Variants in AFTPH observed in about 807,000 individuals in gnomAD.
AFTPH encodes the protein aftiphilin protein.
In AFTPH, 7 loss-of-function variants were observed where a neutral mutation model predicts 72.5. That is an observed-to-expected ratio of 0.10 (90% CI 0.05 to 0.18). The LOEUF (loss-of-function observed/expected upper bound fraction) is 0.18, where lower values mean the gene tolerates loss of function less well. Ranked by LOEUF, AFTPH falls within the 10% of genes least tolerant of loss-of-function variation. AFTPH has a pLI of 1.00. For synonymous variants in AFTPH, 337 were observed against 370.1 expected, an observed-to-expected ratio of 0.91 and a Z score of 1.03; for missense variants, 979 against 1,060.5, an observed-to-expected ratio of 0.92 and a Z score of 1.07.
At chr2:64,551,888 G>A (rs1344326001) in exon 2 of AFTPH, 1 of 1,613,758 alleles carries the variant, frequency 6.2e-7, no homozygotes. Flanking sequence ...ATAAAGTAGT[G>A]GAGCAGAGAC....
chr2:64,553,161 T>G lies in AFTPH; in HGVS notation c.1687T>G (p.Ser563Ala), dbSNP rs370809542. Reference sequence around the variant, plus strand: ...CTCTGATGATTTTGCAGACTTCAGTTCAGCTGGTCCTAGCCAAGTTGTAGA... The same window carrying G: ...CTCTGATGATTTTGCAGACTTCAGTGCAGCTGGTCCTAGCCAAGTTGTAGA... Residue 563 changes from serine to alanine, a missense_variant, in exon 2 of 9, where the codon TCA (serine) becomes GCA (alanine). Transcript: ENST00000238856. 8.7e-6 allele frequency: 14 copies of G among 1,614,212 alleles called. No homozygotes were observed. In the African/African-American group the frequency reaches 1.9e-4, roughly 22 times the overall value.
At chr2:64,569,325 A>G (rs1328949396) in intron 4 of AFTPH, 107 bp downstream of exon 4, 11 of 1,408,126 alleles carry the variant, frequency 7.8e-6, no homozygotes, top group Non-Finnish European at 9.6e-6. Context: ...CAGAAAATAA[A>G]TATTTGGTTT....
chr2:64,581,165 A>G, intron 7 of AFTPH, 25 bp from the exon 8 acceptor site: 1 of 1,567,604 alleles, frequency 6.4e-7, no homozygotes, highest in Non-Finnish European at 8.7e-7. Context: ...GTGGCTGCCT[A>G]CCAACACGGT....
At chr2:64,592,088 T>C in exon 9 of AFTPH, 2 of 1,298,812 alleles carry the variant, frequency 1.5e-6, no homozygotes, top group Non-Finnish European at 2.1e-6. Context: ...ATCCCTTCCC[T>C]ACCATCAAAA....
intron 5 of AFTPH, among the ~76,000 whole-genome samples, chr2:64,570,966 C>G (rs1337322701): frequency 8.4e-6 from 1 of 118,390 alleles, no homozygotes; most frequent in Admixed American, 1.2e-4. Context: ...CAGCTCATAC[C>G]TATGGCTACT....
chr2:64,545,159 T>C (rs1049857718), intron 1 of AFTPH, among the ~76,000 whole-genome samples: 1 of 152,074 alleles, frequency 6.6e-6, no homozygotes, highest in Admixed American at 6.5e-5. Flanking sequence ...AATCACAGAT[T>C]AGGCTAGGAA....
chr2:64,570,575 T>C (rs1459022992), intron 5 of AFTPH, among the ~76,000 whole-genome samples: 1 of 152,236 alleles, frequency 6.6e-6, no homozygotes, highest in Non-Finnish European at 1.5e-5. Flanking sequence ...TCGTGTACTT[T>C]AAAAACATTT....
rs564355514 is a variant in AFTPH, at chr2:64,526,964, G to A, written c.-33+2352G>A. Among the ~76,000 whole-genome samples, 16 of 152,260 alleles carry A rather than the reference G, an allele frequency of 1.1e-4. No homozygotes were observed. In the South Asian group the frequency reaches 3.3e-3, roughly 32 times the overall value. Reference sequence around the variant, plus strand: ...CAAACAGCTGTTAAGTGACAGATCCGTTTGCTAGACCATTTATATAGTCTC... The same window carrying A: ...CAAACAGCTGTTAAGTGACAGATCCATTTGCTAGACCATTTATATAGTCTC... On this transcript the variant is annotated intron_variant, in intron 1 of 8. Transcript: ENST00000238856.
At chr2:64,527,062 T>A (rs888773126) in intron 1 of AFTPH, among the ~76,000 whole-genome samples, 2 of 152,204 alleles carry the variant, frequency 1.3e-5, no homozygotes, top group African/African-American at 4.8e-5. Flanking sequence ...TGCATGGGAA[T>A]GATAAACACC....
At chr2:64,583,749 G>A (rs187354544) in intron 7 of AFTPH, among the ~76,000 whole-genome samples, 1 of 152,162 alleles carries the variant, frequency 6.6e-6, no homozygotes, top group Non-Finnish European at 1.5e-5. Flanking sequence ...AGTATATTTT[G>A]AAACCGTACC....
At chr2:64,573,044 C>T (rs755519659) in exon 6 of AFTPH, 27 of 1,614,062 alleles carry the variant, frequency 1.7e-5, no homozygotes, top group Non-Finnish European at 1.9e-5. Context: ...CAGATATGAA[C>T]ACATGTACAT....
intron 2 of AFTPH, among the ~76,000 whole-genome samples, chr2:64,564,624 AAAATAAAAAAT>A (rs1558618017): frequency 1.2e-3 from 179 of 146,202 alleles, no homozygotes; most frequent in African/African-American, 4.7e-3. Flanking sequence ...AAAAAAATAA[AAAATAAAAAAT>A]AAAATAAATA....
intron 6 of AFTPH, among the ~76,000 whole-genome samples, chr2:64,578,352 A>G (rs1672949318): frequency 6.6e-6 from 1 of 152,238 alleles, no homozygotes; most frequent in Admixed American, 6.5e-5. Context: ...TTTGATATCA[A>G]AAGTCTAATA....
intron 6 of AFTPH, among the ~76,000 whole-genome samples, chr2:64,578,665 C>A (rs1672975680): frequency 6.6e-6 from 1 of 151,896 alleles, no homozygotes. Flanking sequence ...TCAAGCAATT[C>A]TCCTGCCTCA....
chr2:64,559,810 T>C (rs925296636), intron 2 of AFTPH, among the ~76,000 whole-genome samples: 4 of 152,152 alleles, frequency 2.6e-5, no homozygotes, highest in Non-Finnish European at 4.4e-5. Context: ...TTTCAAGCAG[T>C]CCTCCCACCT....
intron 1 of AFTPH, among the ~76,000 whole-genome samples, chr2:64,544,874 C>T (rs7590638): frequency 0.091 from 13,854 of 152,004 alleles, 1,727 homozygotes; most frequent in African/African-American, 0.27. Context: ...CATGCAGCAG[C>T]GCAAGTTCTC....
chr2:64,550,968 G>A (rs1671009352), intron 1 of AFTPH, among the ~76,000 whole-genome samples: 2 of 152,130 alleles, frequency 1.3e-5, no homozygotes, highest in Admixed American at 6.5e-5. Flanking sequence ...GAAAAGCCAA[G>A]TGAAGAAAAT....
intron 7 of AFTPH, among the ~76,000 whole-genome samples, chr2:64,582,343 C>G (rs1233818643): frequency 6.6e-6 from 1 of 152,158 alleles, no homozygotes; most frequent in African/African-American, 2.4e-5. Context: ...CAGAGTGAAC[C>G]TGGGACCTAG....
At chr2:64,547,324 C>A (rs6731669) in intron 1 of AFTPH, among the ~76,000 whole-genome samples, 6,726 of 152,206 alleles carry the variant, frequency 0.044, 317 homozygotes, top group African/African-American at 0.12. Context: ...TGTAGGCTGT[C>A]TCTCAGTTTG....
Sources: gnomAD v4.1 joint callset for allele counts (sites outside exome capture counted in the v4.1 genomes callset) on GRCh38, gnomAD v4.1.1 for gene constraint, MANE v1.5 for transcripts, NCBI Gene and HGNC (gene_info 2026-07-23, HGNC 2026-07-21) for gene names.